ZNF799: variants seen among roughly 807,000 people sequenced by gnomAD.
ZNF799 encodes the protein zinc finger protein 799.
Under a neutral mutation model 41.0 loss-of-function variants are expected in ZNF799, and 28 were observed. That is an observed-to-expected ratio of 0.68 (90% CI 0.51 to 0.94). ZNF799 has a LOEUF of 0.94. ZNF799 is among the 40% of genes least tolerant of loss of function. The probability of loss-of-function intolerance (pLI) is 0.00; values close to 1 mark genes in which losing one functional copy is unlikely to be tolerated. For synonymous variants in ZNF799, 213 were observed against 252.9 expected (o/e 0.84, Z 1.50); for missense variants, 716 against 764.3 (o/e 0.94, Z 0.74).
the ZNF799 span, among the ~76,000 whole-genome samples, chr19:12,412,556 A>AC: frequency 6.8e-6 from 1 of 146,712 alleles, no homozygotes. Flanking sequence ...AAAAAAAAAA[A>AC]CCCACGAAAT....
At position 12,396,649 on chromosome 19, in the gene ZNF799, CAA is replaced by C. The variant is rs531549654; in HGVS notation, c.4-3228_4-3227del. Reference sequence around the variant, plus strand: ...GGGCAACAAGAGCGAACCTCTGTCTCAAAAAAAAAGGGGTAGAAATTTAGCCA... The same window carrying C: ...GGGCAACAAGAGCGAACCTCTGTCTCAAAAAAAGGGGTAGAAATTTAGCCA... On this transcript the variant is annotated intron_variant, in intron 1 of 3. Transcript: ENST00000430385. Among the ~76,000 whole-genome samples the C allele has an allele frequency of 3.6e-3, 515 of 143,884 alleles. 4 individuals are homozygous for C. Among genetic ancestry groups the C allele is most frequent in the Middle Eastern group, 0.014 (4 of 280 alleles). The allele number at this position is 143,884 out of a possible 152,430, so 94.4% of individuals were successfully genotyped here. A position where few individuals can be genotyped will look rare whatever the true frequency, so the allele number is the denominator to read the frequency against.
At chr19:12,403,804 G>A (rs527307250), upstream of ZNF799, among the ~76,000 whole-genome samples, 3 of 152,214 alleles carry the variant, frequency 2.0e-5, no homozygotes, top group South Asian at 2.1e-4. Context: ...CACTCACCTC[G>A]GCCTCCCAAA....
In ZNF799 at chr19:12,391,688, T is replaced by C. The variant is rs200646719; in HGVS notation, c.710A>G (p.Tyr237Cys). 777 of 1,613,888 alleles carry C rather than the reference T, an allele frequency of 4.8e-4. 9 individuals are homozygous for C. The highest frequency in any genetic ancestry group is 4.9e-4 in the Middle Eastern group (3 of 6,084). Residue 237 changes from tyrosine (Y) to cysteine (C), a missense_variant, in exon 4 of 4, where the codon TAC becomes TGC. This residue lies in a region of ZNF799 where 698 missense variants were observed against 713.6 expected (regional missense o/e 0.98). Transcript: ENST00000430385. ...CKQCSKAFSF[Y>C]SSYLRHERTH... ...TCTTTCATGTCTTAGATAGGAACTGTAAAAAGAAAAGGCTTTAGAACACTG... is the reference window on the plus strand; with the variant it reads ...TCTTTCATGTCTTAGATAGGAACTGCAAAAAGAAAAGGCTTTAGAACACTG...
chr19:12,413,933 C>A, the ZNF799 span, among the ~76,000 whole-genome samples: 5 of 152,206 alleles, frequency 3.3e-5, no homozygotes, highest in African/African-American at 4.8e-5. Flanking sequence ...CTCCCGTCTC[C>A]GGACCCCTAG....
chr19:12,399,633 T>G (rs1969948253), intron 1 of ZNF799, among the ~76,000 whole-genome samples: 1 of 144,912 alleles, frequency 6.9e-6, no homozygotes, highest in African/African-American at 2.8e-5. Context: ...ACTTGGCAGC[T>G]GTGGACACCC....
upstream of ZNF799, among the ~76,000 whole-genome samples, chr19:12,401,853 C>T (rs1361045676): frequency 1.3e-5 from 2 of 152,074 alleles, no homozygotes; most frequent in Admixed American, 6.6e-5. Flanking sequence ...GGATTAGAGA[C>T]GTGAGCCATC....
rs1251340705 is a variant in ZNF799, at chr19:12,392,168, C to T, written c.230G>A (p.Gly77Glu). ...MLERFVESKD[G>E]TQCGETSSQI... is the part of the protein sequence containing the mutation. ...GCTAGATGTTTCTCCACATTGAGTT[C>T]CATCTTTACTTTCAACAAATCTCTC... The change falls in exon 4 of 4, where the codon GGA (glycine) becomes GAA (glutamate). Residue 77 changes from glycine (G) to glutamate (E), a missense_variant. Gly to Glu is a moderately conservative substitution (Grantham distance 98). Around this residue, in one of 2 missense-constraint regions of ZNF799, gnomAD observed 698 missense variants for 713.6 expected, o/e 0.98. Coordinates refer to ENST00000430385, the MANE Select transcript of ZNF799 (RefSeq NM_001080821.3). 3 of 1,590,844 alleles carry T rather than the reference C, an allele frequency of 1.9e-6. No homozygotes were observed. The highest frequency in any genetic ancestry group is 2.6e-6 in the Non-Finnish European group (3 of 1,167,344).
At chr19:12,406,259 C>G (rs1970029789), upstream of ZNF799, among the ~76,000 whole-genome samples, 1 of 149,372 alleles carries the variant, frequency 6.7e-6, no homozygotes, top group African/African-American at 2.5e-5. Context: ...GCAGGCGGAT[C>G]ACGAGGTCAG....
chr19:12,396,914 C>T (rs79487104), intron 1 of ZNF799, among the ~76,000 whole-genome samples: 7 of 151,076 alleles, frequency 4.6e-5, no homozygotes, highest in African/African-American at 1.5e-4. Flanking sequence ...AGGTTAGAAA[C>T]TCAGATCATA....
At position 12,391,686 on chromosome 19, in the gene ZNF799, T is replaced by A; in HGVS notation, c.712A>T (p.Ser238Cys). ...GTTCTTTCATGTCTTAGATAGGAAC[T>A]GTAAAAAGAAAAGGCTTTAGAACAC... ...KQCSKAFSFYSSYLRHERTHT... is the reference protein window; with the variant it reads ...KQCSKAFSFYCSYLRHERTHT... Residue 238 changes from serine (S) to cysteine (C), a missense_variant, in exon 4 of 4, where the codon AGT becomes TGT. Transcript: ENST00000430385. The A allele has an allele frequency of 6.2e-7, 1 of 1,614,058 alleles. No individual in the cohort carries two copies. Among genetic ancestry groups the A allele is most frequent in the Non-Finnish European group, 8.5e-7 (1 of 1,179,982 alleles).
the ZNF799 span, among the ~76,000 whole-genome samples, chr19:12,414,003 C>T: frequency 6.6e-6 from 1 of 152,210 alleles, no homozygotes; most frequent in Admixed American, 6.5e-5. Flanking sequence ...TCTACGGCTC[C>T]TGCGGCCTGT....
rs192718101 is a variant in ZNF799 at position 12,393,586 on chromosome 19, C to A, written c.4-163G>T. ...CTGTCTACACTCACTTTCTCCTACA[C>A]AGTAACTCTGAAGCTACAGTTAAAC... On this transcript the variant is annotated intron_variant, in intron 1 of 3. Transcript: ENST00000430385. The A allele has an allele frequency of 2.6e-4, 372 of 1,440,914 alleles. 10 individuals are homozygous for A. The African/African-American group carries it at 5.1e-3, about 20-fold the overall frequency. The allele number at this position is 1,440,914 out of a possible 1,614,324, so 89.3% of individuals were successfully genotyped here. A position where few individuals can be genotyped will look rare whatever the true frequency, so the allele number is the denominator to read the frequency against.
chr19:12,402,584 T>G (rs1970005232), upstream of ZNF799, among the ~76,000 whole-genome samples: 1 of 150,438 alleles, frequency 6.6e-6, no homozygotes. Context: ...ATATATGGCT[T>G]TTATTATGTT....
At chr19:12,404,709 T>C (rs1444952626), upstream of ZNF799, among the ~76,000 whole-genome samples, 1 of 152,228 alleles carries the variant, frequency 6.6e-6, no homozygotes, top group Non-Finnish European at 1.5e-5. Flanking sequence ...AACAAGGCTC[T>C]CTGTTCTATA....
chr19:12,414,209 C>T, the ZNF799 span, among the ~76,000 whole-genome samples: 1 of 152,122 alleles, frequency 6.6e-6, no homozygotes, highest in Non-Finnish European at 1.5e-5. Flanking sequence ...CCATGTCCTG[C>T]CCCCTGGGGA....
the ZNF799 span, among the ~76,000 whole-genome samples, chr19:12,410,269 A>ATATC: frequency 7.1e-5 from 4 of 56,630 alleles, no homozygotes; most frequent in Admixed American, 1.9e-4. Flanking sequence ...ATATATATAT[A>ATATC]TATATATATA....
rs142747372 is a variant in ZNF799, at chr19:12,390,685, A to G, written c.1713T>C (p.His571=). ...ECQQCGKAFT[H]SRFLQGHEKT... is the part of the protein sequence containing the mutation. ...TTTCATGTCCTTGAAGAAAACGGGA[A>G]TGAGTGAAGGCTTTACCACATTGTT... Residue 571 remains histidine (H), a synonymous_variant, in exon 4 of 4, where the codon CAT becomes CAC. Coordinates refer to ENST00000430385, the MANE Select transcript of ZNF799 (RefSeq NM_001080821.3). 6,702 of 1,613,946 alleles carry G rather than the reference A, an allele frequency of 4.2e-3. 23 individuals are homozygous for G. Among genetic ancestry groups the G allele is most frequent in the Non-Finnish European group, 5.0e-3 (5,860 of 1,179,904 alleles).
At chr19:12,411,067 G>C in the ZNF799 span, among the ~76,000 whole-genome samples, 1 of 152,244 alleles carries the variant, frequency 6.6e-6, no homozygotes, top group South Asian at 2.1e-4. Context: ...ATGTTATAAG[G>C]CCAACATTGC....
At chr19:12,414,250 G>A in the ZNF799 span, among the ~76,000 whole-genome samples, 3 of 152,156 alleles carry the variant, frequency 2.0e-5, no homozygotes, top group Non-Finnish European at 4.4e-5. Flanking sequence ...ATCTCTTGGT[G>A]CTGAGTGGAG....
Sources: gnomAD v4.1 joint callset for allele counts (sites outside exome capture counted in the v4.1 genomes callset) on GRCh38, gnomAD v4.1.1 for gene constraint, gnomAD v4.1.1 regional missense constraint, MANE v1.5 for transcripts, NCBI Gene and HGNC (gene_info 2026-07-23, HGNC 2026-07-21) for gene names.